CLSTN2: variants seen among roughly 807,000 people sequenced by gnomAD.
The protein encoded by CLSTN2 is calsyntenin 2.
CLSTN2 carries 48 observed loss-of-function variants against 101.2 expected under a neutral mutation model. That is an observed-to-expected ratio of 0.47 (90% confidence interval 0.38 to 0.60). The LOEUF (loss-of-function observed/expected upper bound fraction) is 0.60. Ranked by LOEUF, CLSTN2 falls within the 20% of genes least tolerant of loss-of-function variation. The pLI, the probability that CLSTN2 is intolerant of heterozygous loss-of-function variation, is 0.00. For missense variants in CLSTN2, 1,160 were observed against 1,238.2 expected, an observed-to-expected ratio of 0.94 and a Z score of 0.95; for synonymous variants, 481 against 463.6, an observed-to-expected ratio of 1.04 and a Z score of -0.48.
intron 1 of CLSTN2, among the ~76,000 whole-genome samples, chr3:140,000,889 G>T (rs918998019): frequency 9.8e-5 from 15 of 152,336 alleles, no homozygotes; most frequent in African/African-American, 3.6e-4. Context: ...AAGCCTGACA[G>T]TCCAGTATTA....
intron 4 of CLSTN2, among the ~76,000 whole-genome samples, chr3:140,414,699 C>T (rs1212987047): frequency 6.6e-6 from 1 of 151,854 alleles, no homozygotes; most frequent in Non-Finnish European, 1.5e-5. Flanking sequence ...ACTTGTACCC[C>T]TAAAACTATT....
chr3:140,359,993 TACACACACACAC>T lies in CLSTN2; in HGVS notation c.233-43612_233-43601del, dbSNP rs55746611. 3.5e-3 allele frequency among the ~76,000 whole-genome samples: 514 copies of T among 145,968 alleles called. 4 individuals carry two copies. Among genetic ancestry groups the T allele is most frequent in the Non-Finnish European group, 4.9e-3 (326 of 66,474 alleles). ...TATACACACATACATACATATTTTA[TACACACACACAC>T]ACACACACACACACACACACACATA... On this transcript the variant is annotated intron_variant, in intron 2 of 16. Transcript: ENST00000458420.
chr3:140,175,840 A>T, intron 1 of CLSTN2, 111 bp from the exon 2 acceptor site: 1 of 1,032,322 alleles, frequency 9.7e-7, no homozygotes. Flanking sequence ...CTCTCATGGG[A>T]TTGTTGGATG....
intron 1 of CLSTN2, among the ~76,000 whole-genome samples, chr3:140,109,599 G>A (rs1490394611): frequency 6.6e-6 from 1 of 152,160 alleles, no homozygotes; most frequent in Non-Finnish European, 1.5e-5. Flanking sequence ...AGCTTTGGAA[G>A]TCCCCATAAT....
chr3:139,966,456 C>T (rs897364959), intron 1 of CLSTN2, among the ~76,000 whole-genome samples: 10 of 152,262 alleles, frequency 6.6e-5, no homozygotes, highest in African/African-American at 1.2e-4. Context: ...CTTGCTGATG[C>T]GGTTTCCTCT....
intron 1 of CLSTN2, among the ~76,000 whole-genome samples, chr3:140,067,751 G>T (rs1468561547): frequency 6.6e-6 from 1 of 152,180 alleles, no homozygotes. Context: ...GAGAGACGGG[G>T]CTGCTTCTAT....
chr3:140,122,713 GC>G (rs1439478768), intron 1 of CLSTN2, among the ~76,000 whole-genome samples: 1 of 152,178 alleles, frequency 6.6e-6, no homozygotes, highest in Non-Finnish European at 1.5e-5. Flanking sequence ...CAAGTGATGG[GC>G]CTGCCTCCTG....
At chr3:140,405,795 T>C (rs2088296691) in intron 4 of CLSTN2, among the ~76,000 whole-genome samples, 1 of 152,364 alleles carries the variant, frequency 6.6e-6, no homozygotes, top group East Asian at 1.9e-4. Flanking sequence ...AGTGTAATTA[T>C]TTGCCAAGTA....
At chr3:140,414,273 T>C (rs1442967877) in intron 4 of CLSTN2, among the ~76,000 whole-genome samples, 1 of 152,020 alleles carries the variant, frequency 6.6e-6, no homozygotes, top group African/African-American at 2.4e-5. Context: ...AAAAAAATTT[T>C]TAAAAATGCA....
At chr3:140,022,955 A>G (rs1183523258) in intron 1 of CLSTN2, among the ~76,000 whole-genome samples, 1 of 152,188 alleles carries the variant, frequency 6.6e-6, no homozygotes, top group East Asian at 1.9e-4. Context: ...CATCTCTAAT[A>G]TAGCAAAGGT....
chr3:140,495,098 G>GT (rs1344750067), intron 8 of CLSTN2, among the ~76,000 whole-genome samples: 2 of 152,058 alleles, frequency 1.3e-5, no homozygotes, highest in Non-Finnish European at 2.9e-5. Context: ...AAAGTGCTTC[G>GT]TTTTCTCTGT....
intron 1 of CLSTN2, among the ~76,000 whole-genome samples, chr3:140,157,259 G>T (rs1188689884): frequency 1.3e-5 from 2 of 151,858 alleles, no homozygotes; most frequent in African/African-American, 4.8e-5. Flanking sequence ...CAAAGAATTG[G>T]TTAGGGAGGA....
chr3:140,386,766 G>C (rs2088056014), intron 2 of CLSTN2, among the ~76,000 whole-genome samples: 1 of 152,138 alleles, frequency 6.6e-6, no homozygotes, highest in South Asian at 2.1e-4. Context: ...GAGCCATGTT[G>C]AGCCATACCC....
chr3:140,544,214 T>C lies in CLSTN2; in HGVS notation c.1508-2301T>C, dbSNP rs148866699. Among the ~76,000 whole-genome samples the C allele has an allele frequency of 6.7e-3, 1,021 of 152,370 alleles. 8 individuals are homozygous for C. Among genetic ancestry groups the C allele is most frequent in the Non-Finnish European group, 0.011 (774 of 68,034 alleles). On this transcript the variant is annotated intron_variant, in intron 9 of 16. Coordinates refer to ENST00000458420, the MANE Select transcript of CLSTN2 (RefSeq NM_022131.3). ...TGACAGGAATAAATGAGCTGACTTA[T>C]GCAAAGTGCCTGTTGCAGCACTCAG...
At chr3:140,082,264 G>C (rs539385445) in intron 1 of CLSTN2, among the ~76,000 whole-genome samples, 21 of 152,152 alleles carry the variant, frequency 1.4e-4, no homozygotes, top group Non-Finnish European at 2.8e-4. Context: ...CCTGTGGCTG[G>C]CATTCTTTCC....
rs573133264 is a variant in CLSTN2 at position 140,412,052 on chromosome 3, T to C, written c.637+7286T>C. ...TTTTTGAGACAGAGTTTCACTCTTG[T>C]TGTCCATGCTGGAGTTGCAATGGTG... On this transcript the variant is annotated intron_variant, in intron 4 of 16. Coordinates refer to ENST00000458420, the MANE Select transcript of CLSTN2 (RefSeq NM_022131.3). 3.3e-5 allele frequency among the ~76,000 whole-genome samples: 5 copies of C among 152,344 alleles called. No individual in the cohort carries two copies. The East Asian group carries it at 9.7e-4, about 29-fold the overall frequency.
At chr3:140,544,368 C>T (rs567757424) in intron 9 of CLSTN2, among the ~76,000 whole-genome samples, 9 of 152,088 alleles carry the variant, frequency 5.9e-5, no homozygotes, top group Non-Finnish European at 8.8e-5. Context: ...AGTAAGCCTG[C>T]GGGTGGCACA....
intron 2 of CLSTN2, among the ~76,000 whole-genome samples, chr3:140,375,745 T>C (rs1042513864): frequency 1.3e-5 from 2 of 152,204 alleles, no homozygotes; most frequent in Admixed American, 1.3e-4. Context: ...CCCTGTTATT[T>C]GCCTTACATG....
intron 1 of CLSTN2, among the ~76,000 whole-genome samples, chr3:140,122,468 G>GT (rs1393978624): frequency 6.6e-6 from 1 of 152,192 alleles, no homozygotes; most frequent in Non-Finnish European, 1.5e-5. Flanking sequence ...CTGATTCACA[G>GT]TATAACTATT....
Sources: gnomAD v4.1 joint callset for allele counts (sites outside exome capture counted in the v4.1 genomes callset) on GRCh38, gnomAD v4.1.1 for gene constraint, MANE v1.5 for transcripts, NCBI Gene and HGNC (gene_info 2026-07-23, HGNC 2026-07-21) for gene names.